Variants in SHLD2 observed in about 807,000 individuals in gnomAD.
SHLD2 encodes the protein RINN1-REV7-interacting novel NHEJ regulator 2.
Under a neutral mutation model 73.2 loss-of-function variants are expected in SHLD2, and 30 were observed. The observed-to-expected ratio is 0.41, with a 90% confidence interval of 0.31 to 0.56. The LOEUF (loss-of-function observed/expected upper bound fraction) is 0.56, where lower values mean the gene tolerates loss of function less well. Ranked by LOEUF, SHLD2 falls within the 20% of genes least tolerant of loss-of-function variation. The pLI, the probability that SHLD2 is intolerant of heterozygous loss-of-function variation, is 0.28. For missense variants in SHLD2, 745 were observed against 1,055.9 expected (o/e 0.71, Z 4.08); for synonymous variants, 285 against 370.1 (o/e 0.77, Z 2.64).
At chr10:87,163,299 G>C (rs1299196333) in intron 4 of SHLD2, among the ~76,000 whole-genome samples, 1 of 152,144 alleles carries the variant, frequency 6.6e-6, no homozygotes, top group Non-Finnish European at 1.5e-5. Context: ...GAAAATGCAG[G>C]AAGGATAAAC....
At chr10:87,131,470 G>A (rs1359397269) in intron 2 of SHLD2, among the ~76,000 whole-genome samples, 4 of 152,036 alleles carry the variant, frequency 2.6e-5, no homozygotes, top group African/African-American at 4.8e-5. Context: ...TTCAGTATGC[G>A]GCCTTTTGTC....
intron 9 of SHLD2, among the ~76,000 whole-genome samples, 185 bp from the exon 10 acceptor site, chr10:87,190,299 T>G (rs1410388834): frequency 6.6e-6 from 1 of 152,198 alleles, no homozygotes; most frequent in Non-Finnish European, 1.5e-5. Context: ...CCTCAAGTAA[T>G]CCGGCTGCCT....
At chr10:87,106,016 G>C (rs1360798009) in intron 2 of SHLD2, among the ~76,000 whole-genome samples, 2 of 152,084 alleles carry the variant, frequency 1.3e-5, no homozygotes, top group African/African-American at 4.8e-5. Flanking sequence ...TTGTTTGTTT[G>C]TTTTGAGACG....
intron 1 of SHLD2, 62 bp from the exon 2 acceptor site, chr10:87,096,872 T>C (rs996287976): frequency 4.6e-5 from 7 of 152,262 alleles, no homozygotes; most frequent in Non-Finnish European, 7.3e-5. Flanking sequence ...GTGGAACTTA[T>C]ATTTTACCTT....
At chr10:87,171,190 TAA>T (rs1032434042) in intron 6 of SHLD2, among the ~76,000 whole-genome samples, 3 of 152,204 alleles carry the variant, frequency 2.0e-5, no homozygotes, top group African/African-American at 4.8e-5. Context: ...GGTGGTGAAA[TAA>T]AGTCTTAAAT....
At chr10:87,098,374 G>A (rs1313016435) in intron 2 of SHLD2, among the ~76,000 whole-genome samples, 3 of 151,990 alleles carry the variant, frequency 2.0e-5, no homozygotes, top group Non-Finnish European at 4.4e-5. Flanking sequence ...TTAGCCTGGT[G>A]TGATGGTGAA....
chr10:87,180,419 A>C, intron 8 of SHLD2, 116 bp downstream of exon 8: 1 of 1,384,490 alleles, frequency 7.2e-7, no homozygotes. Flanking sequence ...GAAGAGAATA[A>C]AATTTTCCGA....
intron 8 of SHLD2, among the ~76,000 whole-genome samples, chr10:87,181,378 C>T (rs1365183805): frequency 2.0e-5 from 3 of 151,556 alleles, no homozygotes; most frequent in Non-Finnish European, 4.4e-5. Flanking sequence ...AGAGTGAGAC[C>T]CTGTCTCAAA....
chr10:87,108,994 GT>G (rs1842769323), intron 2 of SHLD2, among the ~76,000 whole-genome samples: 1 of 152,150 alleles, frequency 6.6e-6, no homozygotes, highest in Non-Finnish European at 1.5e-5. Context: ...TGCTACTACT[GT>G]AGCCCCTGGG....
upstream of SHLD2, chr10:87,094,803 C>T (rs777468241): frequency 3.4e-6 from 5 of 1,491,940 alleles, no homozygotes; most frequent in Middle Eastern, 2.1e-4. The surrounding 1 kb of genome is among the most constrained non-coding windows in gnomAD (Gnocchi z 6.6). Context: ...GTGATGGTCG[C>T]GAAACAGGCG....
chr10:87,129,078 G>GT (rs571686422), intron 2 of SHLD2, among the ~76,000 whole-genome samples: 3 of 148,996 alleles, frequency 2.0e-5, no homozygotes, highest in Non-Finnish European at 3.0e-5. Context: ...GCCAATTTTT[G>GT]TTTTTTTGTT....
chr10:87,143,206 T>C (rs924494828), intron 2 of SHLD2, among the ~76,000 whole-genome samples: 1 of 152,136 alleles, frequency 6.6e-6, no homozygotes. Flanking sequence ...AGTAAAGTAC[T>C]GTAATTACAA....
intron 6 of SHLD2, among the ~76,000 whole-genome samples, chr10:87,174,035 C>A (rs1401972328): frequency 6.6e-6 from 1 of 152,064 alleles, no homozygotes; most frequent in Non-Finnish European, 1.5e-5. Context: ...GGATAACTGA[C>A]AATTAATATG....
At chr10:87,179,995 C>A (rs1273858668) in intron 7 of SHLD2, 80 bp from the exon 8 acceptor site, 3 of 935,128 alleles carry the variant, frequency 3.2e-6, no homozygotes, top group African/African-American at 1.6e-5. Context: ...TGTAAATCAA[C>A]TATAAAATTA....
intron 8 of SHLD2, among the ~76,000 whole-genome samples, chr10:87,180,604 A>T (rs1414168234): frequency 6.6e-6 from 1 of 152,200 alleles, no homozygotes; most frequent in Non-Finnish European, 1.5e-5. Context: ...GCTCATAAAT[A>T]ACTCATTTTC....
intron 2 of SHLD2, among the ~76,000 whole-genome samples, chr10:87,120,250 A>ATT (rs1169348965): frequency 1.3e-5 from 2 of 148,356 alleles, no homozygotes; most frequent in Admixed American, 6.7e-5. Flanking sequence ...TTATTTATTT[A>ATT]TTTATTTATT....
Position 87,170,825 on chromosome 10 carries a change from A to G in SHLD2, c.1829-15A>G, listed in dbSNP as rs45586737. On this transcript the variant is annotated splice_polypyrimidine_tract_variant and intron_variant, in intron 5 of 9. Transcript: ENST00000298786. ...TAGAGTAATGCCAACTAAGGTACTC[A>G]TTTTCCTTTTCCAGAGGCAGTATAC... is the stretch of plus-strand genomic sequence containing the variant. 0.024 allele frequency: 37,969 copies of G among 1,612,058 alleles called. 930 individuals carry two copies. The highest frequency in any genetic ancestry group is 0.12 in the African/African-American group (9,356 of 74,884).
Position 87,151,791 on chromosome 10 carries a change from A to C in SHLD2, c.437A>C (p.Lys146Thr), listed in dbSNP as rs764675285. The change falls in exon 3 of 10, where the codon AAA becomes ACA. Residue 146 changes from lysine to threonine, a missense_variant. Transcript: ENST00000298786. ...EKYQKLLSENKIRDEQPKHQP... is the reference protein window; with the variant it reads ...EKYQKLLSENTIRDEQPKHQP... ...TATCAAAAGCTTCTCAGTGAAAATA[A>C]AATTAGAGATGAACAGCCTAAACAT... 2 of 1,612,002 alleles carry C rather than the reference A, an allele frequency of 1.2e-6. No homozygotes were observed. Among genetic ancestry groups the C allele is most frequent in the South Asian group, 1.1e-5 (1 of 90,990 alleles).
chr10:87,094,767 C>T (rs1294286511), upstream of SHLD2: 1 of 1,538,188 alleles, frequency 6.5e-7, no homozygotes, highest in Admixed American at 1.8e-5. This position sits in a 1 kb window ranked among gnomAD's most constrained non-coding sequence, Gnocchi z 6.6. Flanking sequence ...GGTAGCGGTA[C>T]ATGGCCACAA....
Sources: allele counts gnomAD v4.1 joint callset (sites outside exome capture counted in the v4.1 genomes callset), GRCh38; gene constraint gnomAD v4.1.1; non-coding constraint Gnocchi (gnomAD v3.1); transcripts MANE v1.5; gene names NCBI Gene and HGNC (gene_info 2026-07-23, HGNC 2026-07-21).